Variants in TLN2 observed in about 807,000 individuals in gnomAD.
TLN2 encodes the protein talin-2.
Under a neutral mutation model 294.7 loss-of-function variants are expected in TLN2, and 118 were observed. The observed-to-expected ratio is 0.40, with a 90% confidence interval of 0.34 to 0.47. The LOEUF is 0.47. Among genes scored for constraint, TLN2 ranks in the 20% least tolerant of loss-of-function variants. The pLI, the probability that TLN2 is intolerant of heterozygous loss-of-function variation, is 0.84. For synonymous variants in TLN2, 1,431 were observed against 1,304.5 expected, an observed-to-expected ratio of 1.10 and a Z score of -2.09; for missense variants, 3,083 against 3,282.2, an observed-to-expected ratio of 0.94 and a Z score of 1.48.
At chr15:62,649,974 G>C in intron 4 of TLN2, 110 bp from the exon 5 acceptor site, 1 of 1,026,240 alleles carries the variant, frequency 9.7e-7, no homozygotes, top group East Asian at 2.4e-5. Context: ...TTGCTGTCTG[G>C]TGAAGGAGAA....
At chr15:62,684,623 A>T (rs997021894) in intron 11 of TLN2, among the ~76,000 whole-genome samples, 28 of 151,870 alleles carry the variant, frequency 1.8e-4, no homozygotes, top group African/African-American at 5.8e-4. Flanking sequence ...CCAGATGCCC[A>T]TGGTGAGGGC....
chr15:62,839,431 G>A (rs1479175639), intron 58 of TLN2, among the ~76,000 whole-genome samples: 2 of 152,246 alleles, frequency 1.3e-5, no homozygotes, highest in Admixed American at 1.3e-4. Flanking sequence ...ATGGAGGACA[G>A]CAACATTATT....
chr15:62,770,895 G>A lies in TLN2; in HGVS notation c.5197-69G>A, dbSNP rs574354203. The A allele has an allele frequency of 4.8e-4, 745 of 1,537,080 alleles. 1 individual carries two copies. The highest frequency in any genetic ancestry group is 6.3e-4 in the Non-Finnish European group (721 of 1,147,574). Reference sequence around the variant, plus strand: ...TCCTGTTCCCCTCCCGCGCCTGACTGTGGAGCCCCTGAAGGAGACACGTGT... The same window carrying A: ...TCCTGTTCCCCTCCCGCGCCTGACTATGGAGCCCCTGAAGGAGACACGTGT... On this transcript the variant is annotated intron_variant, in intron 41 of 58. Coordinates refer to ENST00000636159, the MANE Select transcript of TLN2 (RefSeq NM_015059.3).
chr15:62,740,226 G>A (rs935768864), intron 31 of TLN2, among the ~76,000 whole-genome samples: 3 of 152,112 alleles, frequency 2.0e-5, no homozygotes, highest in Admixed American at 6.5e-5. Flanking sequence ...AGTGCTGGTC[G>A]TTTGTGCCAG....
chr15:62,447,393 T>A (rs990593742), intron 1 of TLN2, among the ~76,000 whole-genome samples: 3 of 151,718 alleles, frequency 2.0e-5, no homozygotes, highest in African/African-American at 7.3e-5. Flanking sequence ...GGCTGAGCTG[T>A]GAGACAAGTG....
intron 2 of TLN2, among the ~76,000 whole-genome samples, chr15:62,601,496 G>C (rs1299211047): frequency 6.6e-6 from 1 of 152,080 alleles, no homozygotes; most frequent in African/African-American, 2.4e-5. Flanking sequence ...TATTTTGTTA[G>C]TTTGTTCTTT....
intron 1 of TLN2, among the ~76,000 whole-genome samples, chr15:62,418,255 C>G (rs2034193419): frequency 6.6e-6 from 1 of 152,184 alleles, no homozygotes; most frequent in Non-Finnish European, 1.5e-5. Flanking sequence ...CCTCCTCTCT[C>G]CCAGTTGTGC....
At chr15:62,783,545 G>T (rs2064367500) in intron 44 of TLN2, among the ~76,000 whole-genome samples, 1 of 152,244 alleles carries the variant, frequency 6.6e-6, no homozygotes, top group South Asian at 2.1e-4. Context: ...CCTGAGCGGG[G>T]CCCTGCGAGG....
chr15:62,781,561 G>C (rs2064171140), intron 44 of TLN2, among the ~76,000 whole-genome samples: 1 of 152,180 alleles, frequency 6.6e-6, no homozygotes, highest in African/African-American at 2.4e-5. Context: ...TAGTTAAGGA[G>C]AAAGGGGGAG....
At chr15:62,429,082 A>C (rs1189908344) in intron 1 of TLN2, among the ~76,000 whole-genome samples, 1 of 132,396 alleles carries the variant, frequency 7.6e-6, no homozygotes, top group Non-Finnish European at 1.6e-5. Flanking sequence ...TTGACAGGTC[A>C]CCAGGCCAGA....
chr15:62,590,884 CTCT>C (rs2046023743), intron 2 of TLN2, among the ~76,000 whole-genome samples: 1 of 151,864 alleles, frequency 6.6e-6, no homozygotes. Context: ...TTGTTTCCTT[CTCT>C]TCTTTGGAAA....
intron 32 of TLN2, among the ~76,000 whole-genome samples, chr15:62,745,250 G>A (rs909626993): frequency 2.0e-5 from 3 of 152,140 alleles, no homozygotes; most frequent in African/African-American, 7.2e-5. Context: ...CACTATCTCT[G>A]TAAGGTAGCA....
At position 62,656,064 on chromosome 15, in the gene TLN2, A is replaced by G; in HGVS notation, c.638A>G (p.Gln213Arg). Residue 213 changes from glutamine (Q) to arginine (R), a missense_variant, in exon 8 of 59, where the codon CAG becomes CGG. Physicochemically the swap from Gln to Arg is conservative, Grantham distance 43. Coordinates refer to ENST00000636159, the MANE Select transcript of TLN2 (RefSeq NM_015059.3). The part of the protein sequence containing the change: ...DQNVDSRDPV[Q>R]LNLLYVQARD... ...AATGTAGATTCGAGAGACCCCGTGC[A>G]GCTGAACTTGCTTTATGTTCAGGTA... 2 of 1,614,224 alleles carry G rather than the reference A, an allele frequency of 1.2e-6. No homozygotes were observed. Among genetic ancestry groups the G allele is most frequent in the Non-Finnish European group, 1.7e-6 (2 of 1,180,020 alleles).
intron 1 of TLN2, among the ~76,000 whole-genome samples, chr15:62,540,179 AAAAT>A (rs1222278788): frequency 6.6e-6 from 1 of 151,898 alleles, no homozygotes; most frequent in Non-Finnish European, 1.5e-5. Flanking sequence ...GTCTCTACTA[AAAAT>A]ACAAAAAATT....
At position 62,738,257 on chromosome 15, in the gene TLN2, G is replaced by T; in HGVS notation, c.3611G>T (p.Cys1204Phe). The T allele has an allele frequency of 6.2e-7, 1 of 1,614,174 alleles. No homozygotes were observed. The highest frequency in any genetic ancestry group is 8.5e-7 in the Non-Finnish European group (1 of 1,180,002). Residue 1204 changes from cysteine (C) to phenylalanine (F), a missense_variant, in exon 30 of 59, where the codon TGC (cysteine) becomes TTC (phenylalanine). Coordinates refer to ENST00000636159, the MANE Select transcript of TLN2 (RefSeq NM_015059.3). The stretch of plus-strand genomic sequence containing the variant: ...CACTCCTTGAATAACTGCGTAAATT[G>T]CCTCCCTGGGCAGAAGGATGTGGAC... ...VSHSLNNCVN[C>F]LPGQKDVDVA... is the part of the protein sequence containing the mutation.
intron 55 of TLN2, chr15:62,835,373 G>A: frequency 3.5e-6 from 1 of 287,778 alleles, no homozygotes; most frequent in Non-Finnish European, 6.6e-6. Flanking sequence ...GAAAAGAGGA[G>A]GCCTAGTGGC....
At chr15:62,700,871 CACAA>C (rs764700778) in intron 16 of TLN2, among the ~76,000 whole-genome samples, 11 of 152,152 alleles carry the variant, frequency 7.2e-5, no homozygotes, top group African/African-American at 1.9e-4. Flanking sequence ...AAGTTAAAAA[CACAA>C]ACAACATAAT....
chr15:62,748,645 A>G (rs756514166), intron 33 of TLN2, among the ~76,000 whole-genome samples: 14 of 152,240 alleles, frequency 9.2e-5, no homozygotes, highest in Non-Finnish European at 1.9e-4. Flanking sequence ...AAGAGAAACT[A>G]GATTTAGTGG....
At chr15:62,438,883 C>T (rs1022694646) in intron 1 of TLN2, among the ~76,000 whole-genome samples, 1 of 152,182 alleles carries the variant, frequency 6.6e-6, no homozygotes, top group Non-Finnish European at 1.5e-5. Flanking sequence ...GCTGTGCTAG[C>T]ACATGCTGGA....
Sources: allele counts gnomAD v4.1 joint callset (sites outside exome capture counted in the v4.1 genomes callset), GRCh38; gene constraint gnomAD v4.1.1; transcripts MANE v1.5; gene names NCBI Gene and HGNC (gene_info 2026-07-23, HGNC 2026-07-21).